RRP7A: variants seen among roughly 807,000 people sequenced by gnomAD.
RRP7A encodes the protein ribosomal RNA processing 7 homolog A.
Under a neutral mutation model 38.4 loss-of-function variants are expected in RRP7A, and 27 were observed. That is an observed-to-expected ratio of 0.70 (90% confidence interval 0.52 to 0.97). RRP7A has a LOEUF of 0.97. Ranked by LOEUF, RRP7A falls within the 50% of genes least tolerant of loss-of-function variation. The pLI, the probability that RRP7A is intolerant of heterozygous loss-of-function variation, is 0.00. For missense variants in RRP7A, 327 were observed against 375.4 expected (o/e 0.87, Z 1.07); for synonymous variants, 124 against 150.3 (o/e 0.83, Z 1.28).
chr22:42,517,988 G>A lies in RRP7A; in HGVS notation c.216+17C>T, dbSNP rs370491458. 2 of 1,610,316 alleles carry A rather than the reference G, an allele frequency of 1.2e-6. No individual in the cohort carries two copies. The highest frequency in any genetic ancestry group is 1.7e-6 in the Non-Finnish European group (2 of 1,178,070). On this transcript the variant is annotated intron_variant, in intron 2 of 6. Coordinates refer to ENST00000323013, the MANE Select transcript of RRP7A (RefSeq NM_015703.5). ...CCTTGAGCCCACAGGTCTCCTCCCA[G>A]ACAGACACTAGCTCACCTCTGTGCA...
chr22:42,511,790 G>A lies in RRP7A; in HGVS notation c.*1120C>T, dbSNP rs191545077. The A allele has an allele frequency of 6.3e-5, 17 of 267,872 alleles. No homozygotes were observed. The highest frequency in any genetic ancestry group is 1.6e-4 in the African/African-American group (7 of 45,108). The allele number at this position is 267,872 out of a possible 1,614,324, so 16.6% of individuals were successfully genotyped here. A position where few individuals can be genotyped will look rare whatever the true frequency, so the allele number is the denominator to read the frequency against. ...AGACACAAGTCTGCAGGCTGCTCACGTCATCTCATTATCTTTTCTCACGAG... is the reference window on the plus strand; with the variant it reads ...AGACACAAGTCTGCAGGCTGCTCACATCATCTCATTATCTTTTCTCACGAG... On this transcript the variant is annotated 3_prime_UTR_variant, in exon 7 of 7. Coordinates refer to ENST00000323013, the MANE Select transcript of RRP7A (RefSeq NM_015703.5).
rs368278181 is a variant in RRP7A, at chr22:42,513,738, C to T, written c.757+368G>A. Among the ~76,000 whole-genome samples the T allele has an allele frequency of 1.8e-4, 27 of 151,626 alleles. 1 individual carries two copies. The South Asian group carries it at 5.5e-3, about 31-fold the overall frequency. On this transcript the variant is annotated intron_variant, in intron 6 of 6. Coordinates refer to ENST00000323013, the MANE Select transcript of RRP7A (RefSeq NM_015703.5). ...ACCCACCACCAACCCAACACACATACTCTGCAGCACCTTCTCTGCACCCAC... is the reference window on the plus strand; with the variant it reads ...ACCCACCACCAACCCAACACACATATTCTGCAGCACCTTCTCTGCACCCAC...
rs1417606599 is a variant in RRP7A at position 42,509,561 on chromosome 22, G to A, written c.*3349C>T. ...TTGGCCAGGCTGCTCTCCATCTCCT[G>A]ACCTCATGATCCGCCTGCCTCGGCC... On this transcript the variant is annotated 3_prime_UTR_variant, in exon 7 of 7. Transcript: ENST00000323013. Among the ~76,000 whole-genome samples, 3 of 150,096 alleles carry A rather than the reference G, an allele frequency of 2.0e-5. No homozygotes were observed. Among genetic ancestry groups the A allele is most frequent in the African/African-American group, 7.3e-5 (3 of 41,106 alleles).
In RRP7A at chr22:42,512,930, G is replaced by T. The variant is rs564789837; in HGVS notation, c.823C>A (p.Arg275Ser). ...ACAGCTCAGTACGGTCGGAATTTGC[G>T]CTGGGCCCGCAGCAGCTCGATCCTC... ...KQRIELLRAQ[R>S]KFRPY Residue 275 changes from arginine (R) to serine (S), a missense_variant, in exon 7 of 7, where the codon CGC (arginine) becomes AGC (serine). Physicochemically the swap from Arg to Ser is moderately radical, Grantham distance 110. This residue lies in a region of RRP7A where 84 missense variants were observed against 82.8 expected (regional missense o/e 1.01). Coordinates refer to ENST00000323013, the MANE Select transcript of RRP7A (RefSeq NM_015703.5). 1 of 1,613,504 alleles carries T rather than the reference G, an allele frequency of 6.2e-7. No homozygotes were observed. Among genetic ancestry groups the T allele is most frequent in the East Asian group, 2.2e-5 (1 of 44,880 alleles).
chr22:42,508,615 C>T lies in RRP7A; in HGVS notation c.*4295G>A, dbSNP rs1354646407. Among the ~76,000 whole-genome samples the T allele has an allele frequency of 6.6e-6, 1 of 152,192 alleles. No homozygotes were observed. The highest frequency in any genetic ancestry group is 1.5e-5 in the Non-Finnish European group (1 of 68,034). ...CAAGTTTCTTTCTCCTGGCAAGAAG[C>T]CTGTCCCAGGCTGGCAGGGGACAGC... On this transcript the variant is annotated 3_prime_UTR_variant, in exon 7 of 7. Coordinates refer to ENST00000323013, the MANE Select transcript of RRP7A (RefSeq NM_015703.5).
At chr22:42,516,589 A>C (rs1482768159) in intron 2 of RRP7A, among the ~76,000 whole-genome samples, 2 of 152,242 alleles carry the variant, frequency 1.3e-5, no homozygotes, top group Non-Finnish European at 2.9e-5. Context: ...CTGGGATTAC[A>C]GGCGTGAGCC....
chr22:42,510,890 G>A lies in RRP7A; in HGVS notation c.*2020C>T. 2.7e-6 allele frequency: 2 copies of A among 744,148 alleles called. No individual in the cohort carries two copies. The highest frequency in any genetic ancestry group is 4.7e-5 in the South Asian group (1 of 21,086). 46.1% of individuals were successfully genotyped at this position (744,148 alleles called of 1,614,324 possible). A position where few individuals can be genotyped will look rare whatever the true frequency, so the allele number is the denominator to read the frequency against. On this transcript the variant is annotated 3_prime_UTR_variant, in exon 7 of 7. Transcript: ENST00000323013. ...CATGCTCCAGTGATCAGTCCCTAGAGGCCTGGGGACACATGTAATCAGAAT... is the reference window on the plus strand; with the variant it reads ...CATGCTCCAGTGATCAGTCCCTAGAAGCCTGGGGACACATGTAATCAGAAT...
In RRP7A at chr22:42,515,996, G is replaced by T. The variant is rs373720539; in HGVS notation, c.342+15C>A. ...CCCCCCTCACTCTAGTGGAACCCCGGGCTTGGCGGCTCACCGGAACTGGCT... is the reference window on the plus strand; with the variant it reads ...CCCCCCTCACTCTAGTGGAACCCCGTGCTTGGCGGCTCACCGGAACTGGCT... On this transcript the variant is annotated intron_variant, in intron 3 of 6. Coordinates refer to ENST00000323013, the MANE Select transcript of RRP7A (RefSeq NM_015703.5). 5.4e-5 allele frequency: 85 copies of T among 1,581,312 alleles called. No individual in the cohort carries two copies. The East Asian group carries it at 9.0e-4, about 17-fold the overall frequency.
Position 42,509,663 on chromosome 22 carries a change from G to C in RRP7A, c.*3247C>G, listed in dbSNP as rs1034234054. Reference sequence around the variant, plus strand: ...CGATTTTTAAGCCATAAAAAGAAACGAAGCACTGACATGGGCTCCAGCATG... The same window carrying C: ...CGATTTTTAAGCCATAAAAAGAAACCAAGCACTGACATGGGCTCCAGCATG... On this transcript the variant is annotated 3_prime_UTR_variant, in exon 7 of 7. Coordinates refer to ENST00000323013, the MANE Select transcript of RRP7A (RefSeq NM_015703.5). Among the ~76,000 whole-genome samples, 2 of 151,858 alleles carry C rather than the reference G, an allele frequency of 1.3e-5. No homozygotes were observed. Among genetic ancestry groups the C allele is most frequent in the Non-Finnish European group, 2.9e-5 (2 of 67,976 alleles).
At position 42,514,790 on chromosome 22, in the gene RRP7A, G is replaced by C; in HGVS notation, c.461-11C>G. ...AGTCACTGATCCACTCTGAGGAAAA[G>C]GGAGCCAGGGAAACGGGGCTTCCTC... On this transcript the variant is annotated splice_polypyrimidine_tract_variant and intron_variant, in intron 4 of 6. Coordinates refer to ENST00000323013, the MANE Select transcript of RRP7A (RefSeq NM_015703.5). 6.3e-7 allele frequency: 1 copy of C among 1,599,922 alleles called. No homozygotes were observed.
Position 42,518,040 on chromosome 22 carries a change from G to A in RRP7A, c.181C>T (p.Leu61Phe). ...TKSTWPQKRT[L>F]FVLNVPPYCT... ...TATGGGGGCACATTGAGGACAAAAA[G>A]AGTCCTCTTCTGAGGCCAGGTGGAC... The change falls in exon 2 of 7, where the codon CTT becomes TTT. Residue 61 changes from leucine (L) to phenylalanine (F), a missense_variant. Leu to Phe is a conservative substitution (Grantham distance 22, BLOSUM62 0). This residue lies in a region of RRP7A where 183 missense variants were observed against 141.8 expected (regional missense o/e 1.29). Coordinates refer to ENST00000323013, the MANE Select transcript of RRP7A (RefSeq NM_015703.5). The A allele has an allele frequency of 6.2e-7, 1 of 1,613,854 alleles. No homozygotes were observed. The highest frequency in any genetic ancestry group is 1.1e-5 in the South Asian group (1 of 91,028).
chr22:42,518,395 G>C (rs1434458691), intron 1 of RRP7A, among the ~76,000 whole-genome samples: 1 of 150,930 alleles, frequency 6.6e-6, no homozygotes, highest in Non-Finnish European at 1.5e-5. Flanking sequence ...TTACAGATGG[G>C]GGCGCAATGA....
In RRP7A at chr22:42,511,430, C is replaced by T. The variant is rs879559385; in HGVS notation, c.*1480G>A. On this transcript the variant is annotated 3_prime_UTR_variant, in exon 7 of 7. Transcript: ENST00000323013. ...CCTCAGGCGATCCGCCCACCTTGGC[C>T]TCCCAAAGTGCTGGTTTTGCAGATG... The T allele has an allele frequency of 6.5e-6, 1 of 152,712 alleles. No individual in the cohort carries two copies. The highest frequency in any genetic ancestry group is 1.5e-5 in the Non-Finnish European group (1 of 68,450). 9.5% of individuals were successfully genotyped at this position (152,712 alleles called of 1,614,324 possible). A position where few individuals can be genotyped will look rare whatever the true frequency, so the allele number is the denominator to read the frequency against.
At position 42,518,098 on chromosome 22, in the gene RRP7A, A is replaced by G. The variant is rs768833706; in HGVS notation, c.123T>C (p.Tyr41=). The G allele has an allele frequency of 1.7e-5, 27 of 1,613,712 alleles. 1 individual carries two copies. Among genetic ancestry groups the G allele is most frequent in the Admixed American group, 3.3e-5 (2 of 59,980 alleles). The change falls in exon 2 of 7, where the codon TAT becomes TAC. Residue 41 remains tyrosine (Y), a synonymous_variant. Coordinates refer to ENST00000323013, the MANE Select transcript of RRP7A (RefSeq NM_015703.5). ...SEKQQASHYL[Y]VRAHGVRQGT... ...CTTGTCGAACGCCGTGTGCTCTCAC[A>G]TAGAGGTAGTGAGAAGCCTGTTGCT... is the stretch of plus-strand genomic sequence containing the variant.
chr22:42,510,876 G>C lies in RRP7A; in HGVS notation c.*2034C>G. The C allele has an allele frequency of 1.1e-6, 1 of 923,618 alleles. No homozygotes were observed. Among genetic ancestry groups the C allele is most frequent in the African/African-American group, 1.8e-5 (1 of 57,050 alleles). 57.2% of individuals were successfully genotyped at this position (923,618 alleles called of 1,614,324 possible). ...GATCTATCAGGCCTCATGCTCCAGT[G>C]ATCAGTCCCTAGAGGCCTGGGGACA... On this transcript the variant is annotated 3_prime_UTR_variant, in exon 7 of 7. Coordinates refer to ENST00000323013, the MANE Select transcript of RRP7A (RefSeq NM_015703.5).
chr22:42,514,820 C>G, intron 4 of RRP7A, 41 bp from the exon 5 acceptor site: 1 of 1,493,946 alleles, frequency 6.7e-7, no homozygotes, highest in Non-Finnish European at 9.2e-7. Context: ...TTCCTCAGGC[C>G]TGGCATTTGG....
chr22:42,513,715 C>A (rs1290968426), intron 6 of RRP7A, among the ~76,000 whole-genome samples: 1 of 147,894 alleles, frequency 6.8e-6, no homozygotes, highest in South Asian at 2.2e-4. Context: ...ACACACACAC[C>A]CACCACCAAC....
chr22:42,514,473 C>T (rs1601806383), intron 5 of RRP7A, among the ~76,000 whole-genome samples, 169 bp from the exon 6 acceptor site: 1 of 152,138 alleles, frequency 6.6e-6, no homozygotes, highest in Non-Finnish European at 1.5e-5. Flanking sequence ...AGGGCACGGA[C>T]CTGCCGGCAC....
At position 42,510,880 on chromosome 22, in the gene RRP7A, A is replaced by G. The variant is rs1932437854; in HGVS notation, c.*2030T>C. 1 of 847,512 alleles carries G rather than the reference A, an allele frequency of 1.2e-6. No individual in the cohort carries two copies. Among genetic ancestry groups the G allele is most frequent in the African/African-American group, 1.8e-5 (1 of 55,584 alleles). 52.5% of individuals were successfully genotyped at this position (847,512 alleles called of 1,614,324 possible). A position where few individuals can be genotyped will look rare whatever the true frequency, so the allele number is the denominator to read the frequency against. On this transcript the variant is annotated 3_prime_UTR_variant, in exon 7 of 7. Transcript: ENST00000323013. Reference sequence around the variant, plus strand: ...TATCAGGCCTCATGCTCCAGTGATCAGTCCCTAGAGGCCTGGGGACACATG... The same window carrying G: ...TATCAGGCCTCATGCTCCAGTGATCGGTCCCTAGAGGCCTGGGGACACATG...
Sources: gnomAD v4.1 joint callset for allele counts (sites outside exome capture counted in the v4.1 genomes callset) on GRCh38, gnomAD v4.1.1 for gene constraint, gnomAD v4.1.1 regional missense constraint, MANE v1.5 for transcripts, NCBI Gene and HGNC (gene_info 2026-07-23, HGNC 2026-07-21) for gene names.